Variants in EVL observed in about 807,000 individuals in gnomAD.
EVL encodes the protein Enah/Vasp-like.
In EVL, 21 loss-of-function variants were observed where a neutral mutation model predicts 59.6. That is an observed-to-expected ratio of 0.35 (90% CI 0.25 to 0.51). The LOEUF (loss-of-function observed/expected upper bound fraction) is 0.51, where lower values mean the gene tolerates loss of function less well. Among genes scored for constraint, EVL ranks in the 20% least tolerant of loss-of-function variants. EVL has a pLI of 0.97. For synonymous variants in EVL, 198 were observed against 203.5 expected, an observed-to-expected ratio of 0.97 and a Z score of 0.23; for missense variants, 462 against 546.6, an observed-to-expected ratio of 0.85 and a Z score of 1.54.
chr14:100,068,622 G>A (rs1412376403), intron 1 of EVL, among the ~76,000 whole-genome samples: 3 of 152,260 alleles, frequency 2.0e-5, no homozygotes, highest in Non-Finnish European at 2.9e-5. Flanking sequence ...GGTAGGCGGT[G>A]AGAAGTCACC....
chr14:100,037,418 A>C (rs2061404876), intron 1 of EVL, among the ~76,000 whole-genome samples: 1 of 152,188 alleles, frequency 6.6e-6, no homozygotes, highest in Admixed American at 6.5e-5. Flanking sequence ...CCCCAGGTAG[A>C]GTTAATCTTC....
chr14:100,090,646 T>C (rs2062545653), intron 2 of EVL, among the ~76,000 whole-genome samples: 1 of 152,190 alleles, frequency 6.6e-6, no homozygotes, highest in Non-Finnish European at 1.5e-5. Flanking sequence ...ATTGATTTAA[T>C]GGAATAAAGC....
Position 100,135,939 on chromosome 14 carries a change from G to A in EVL, c.935G>A (p.Arg312Gln), listed in dbSNP as rs1888756063. Residue 312 changes from arginine (R) to glutamine (Q), a missense_variant, in exon 9 of 14, where the codon CGA (arginine) becomes CAA (glutamine). Arg to Gln is a conservative substitution (Grantham distance 43). Coordinates refer to ENST00000392920, the MANE Select transcript of EVL (RefSeq NM_016337.3). Reference protein sequence around the residue: ...DPSTSPSPGTRAASQPPNSSE... With the variant: ...DPSTSPSPGTQAASQPPNSSE... ...AGTACCTCCCCCTCTCCGGGGACCCGAGCAGCCAGCCAGCCACCTAACTCC... is the reference window on the plus strand; with the variant it reads ...AGTACCTCCCCCTCTCCGGGGACCCAAGCAGCCAGCCAGCCACCTAACTCC... The A allele has an allele frequency of 3.1e-6, 5 of 1,613,742 alleles. No individual in the cohort carries two copies. The highest frequency in any genetic ancestry group is 2.2e-5 in the East Asian group (1 of 44,876).
chr14:100,021,866 A>G (rs2140203451), intron 1 of EVL, among the ~76,000 whole-genome samples: 1 of 152,256 alleles, frequency 6.6e-6, no homozygotes. Flanking sequence ...GAAGCAGGTC[A>G]AGGACAGGTA....
At chr14:100,009,525 A>T (rs571705050) in intron 1 of EVL, among the ~76,000 whole-genome samples, 7 of 152,146 alleles carry the variant, frequency 4.6e-5, no homozygotes, top group Non-Finnish European at 8.8e-5. Flanking sequence ...TTTTTAGTCC[A>T]TTCAATTTAT....
intron 1 of EVL, among the ~76,000 whole-genome samples, chr14:100,002,352 A>G (rs900830737): frequency 6.6e-6 from 1 of 152,194 alleles, no homozygotes; most frequent in Admixed American, 6.5e-5. Context: ...TTGTCTGTAG[A>G]TGACAAAAAG....
intron 3 of EVL, among the ~76,000 whole-genome samples, chr14:100,098,721 T>C (rs1284543556): frequency 6.6e-6 from 1 of 152,118 alleles, no homozygotes; most frequent in Non-Finnish European, 1.5e-5. Context: ...TGGGAGAACT[T>C]GGTAGTTAAG....
chr14:100,099,178 A>C (rs2140322722), intron 3 of EVL, among the ~76,000 whole-genome samples: 1 of 140,020 alleles, frequency 7.1e-6, no homozygotes, highest in Non-Finnish European at 1.5e-5. Flanking sequence ...CCCTGTCTCT[A>C]CAAAAAAAAA....
chr14:100,047,348 G>T (rs2061570621), intron 1 of EVL, among the ~76,000 whole-genome samples: 1 of 151,960 alleles, frequency 6.6e-6, no homozygotes. Flanking sequence ...AAAGCAGGAA[G>T]CATAGCCTAT....
intron 3 of EVL, among the ~76,000 whole-genome samples, chr14:100,120,182 C>G (rs531373263): frequency 1.3e-5 from 2 of 152,324 alleles, no homozygotes; most frequent in African/African-American, 4.8e-5. Context: ...GGGACCCCTT[C>G]TAATCCCTAT....
chr14:100,014,086 A>T (rs1458467219), intron 1 of EVL, among the ~76,000 whole-genome samples: 1 of 152,080 alleles, frequency 6.6e-6, no homozygotes, highest in East Asian at 1.9e-4. Flanking sequence ...ATTAGTGTTG[A>T]CTGTAATCAC....
At chr14:99,984,067 G>A (rs905172163) in intron 1 of EVL, among the ~76,000 whole-genome samples, 2 of 152,186 alleles carry the variant, frequency 1.3e-5, no homozygotes, top group African/African-American at 4.8e-5. Context: ...ACCTAAGATG[G>A]ATAGTTGATC....
At chr14:100,068,065 C>G (rs1431153028) in intron 1 of EVL, among the ~76,000 whole-genome samples, 1 of 152,062 alleles carries the variant, frequency 6.6e-6, no homozygotes, top group Non-Finnish European at 1.5e-5. Context: ...AAACTGAGGG[C>G]AGAGTCGGGA....
intron 1 of EVL, among the ~76,000 whole-genome samples, chr14:99,984,702 C>A (rs761252979): frequency 6.6e-6 from 1 of 152,086 alleles, no homozygotes; most frequent in Non-Finnish European, 1.5e-5. Context: ...CAACCTCCAC[C>A]TCCCAGTTTC....
chr14:100,142,478 C>T (rs1456063046), intron 13 of EVL, among the ~76,000 whole-genome samples: 2 of 152,364 alleles, frequency 1.3e-5, no homozygotes, highest in East Asian at 3.9e-4. Flanking sequence ...TGCAGCACAG[C>T]CAGTGCCAGC....
intron 3 of EVL, among the ~76,000 whole-genome samples, chr14:100,122,848 C>G (rs1234350288): frequency 6.6e-6 from 1 of 152,258 alleles, no homozygotes; most frequent in Admixed American, 6.5e-5. Flanking sequence ...GCACAGCAGA[C>G]TTCGCCTATG....
intron 2 of EVL, among the ~76,000 whole-genome samples, chr14:100,091,030 A>G (rs902625980): frequency 6.6e-6 from 1 of 152,184 alleles, no homozygotes. Context: ...TGAATTTGGC[A>G]TGGTCACTGG....
At chr14:100,047,118 C>CTTTTT (rs869205625) in intron 1 of EVL, among the ~76,000 whole-genome samples, 2 of 23,892 alleles carry the variant, frequency 8.4e-5, no homozygotes, top group African/African-American at 1.4e-4. Context: ...ATCTCTCTCT[C>CTTTTT]TTTTTTTTTT....
chr14:100,088,681 A>G (rs1258656550), intron 2 of EVL, among the ~76,000 whole-genome samples: 1 of 152,218 alleles, frequency 6.6e-6, no homozygotes, highest in Non-Finnish European at 1.5e-5. Context: ...TTGTTGACCA[A>G]AACATCATTA....
Sources: allele counts gnomAD v4.1 joint callset (sites outside exome capture counted in the v4.1 genomes callset), GRCh38; gene constraint gnomAD v4.1.1; transcripts MANE v1.5; gene names NCBI Gene and HGNC (gene_info 2026-07-23, HGNC 2026-07-21).